The following NRG3 variants were observed in gnomAD, a reference collection of about 807,000 sequenced individuals.
NRG3 encodes pro-neuregulin-3, membrane-bound isoform.
A neutral mutation model predicts 66.9 loss-of-function variants in NRG3; 31 were observed. That is an observed-to-expected ratio of 0.46 (90% CI 0.35 to 0.63). The LOEUF (loss-of-function observed/expected upper bound fraction) is 0.63, where lower values mean the gene tolerates loss of function less well. NRG3 is among the 20% of genes least tolerant of loss of function. The pLI, the probability that NRG3 is intolerant of heterozygous loss-of-function variation, is 0.00. For synonymous variants in NRG3, 393 were observed against 359.4 expected, an observed-to-expected ratio of 1.09 and a Z score of -1.06; for missense variants, 910 against 878.9, an observed-to-expected ratio of 1.04 and a Z score of -0.45.
In NRG3 at chr10:82,985,547, G is replaced by A. The variant is rs763500458; in HGVS notation, c.2033G>A (p.Arg678Gln). 23 of 1,613,792 alleles carry A rather than the reference G, an allele frequency of 1.4e-5. No homozygotes were observed. In the East Asian group the frequency reaches 1.8e-4, roughly 13 times the overall value. Residue 678 changes from arginine (R) to glutamine (Q), a missense_variant, in exon 9 of 9, where the codon CGA becomes CAA. By Grantham distance (43) the Arg-to-Gln change is conservative (BLOSUM62 1). Coordinates refer to ENST00000372141, the MANE Select transcript of NRG3 (RefSeq NM_001010848.4). ...LPLSPTAKSE[R>Q]EAQFVLRNEI... ...CTGAGTCCCACAGCCAAATCAGAAC[G>A]AGAGGCGCAATTTGTCTTAAGAAAT...
At chr10:81,902,513 G>A (rs1268986443) in intron 1 of NRG3, among the ~76,000 whole-genome samples, 1 of 152,130 alleles carries the variant, frequency 6.6e-6, no homozygotes, top group Non-Finnish European at 1.5e-5. Context: ...CTGCTCTTGG[G>A]CATTTGAGGA....
chr10:82,524,070 A>G (rs932048908), intron 2 of NRG3, among the ~76,000 whole-genome samples: 1 of 152,052 alleles, frequency 6.6e-6, no homozygotes, highest in African/African-American at 2.4e-5. Context: ...ACCCTGGAAC[A>G]TCTCCTTGTA....
At chr10:81,975,558 C>CTAT (rs1466219105) in intron 1 of NRG3, among the ~76,000 whole-genome samples, 40 of 151,934 alleles carry the variant, frequency 2.6e-4, no homozygotes, top group African/African-American at 8.0e-4. Flanking sequence ...GAAAGGCAGG[C>CTAT]CACAAATTAA....
At chr10:82,418,511 A>G (rs923070468) in intron 2 of NRG3, among the ~76,000 whole-genome samples, 4 of 151,910 alleles carry the variant, frequency 2.6e-5, no homozygotes, top group Non-Finnish European at 5.9e-5. Context: ...TTCACTGGGA[A>G]CATTTGAACT....
At chr10:82,655,188 T>C (rs1395268535) in intron 2 of NRG3, among the ~76,000 whole-genome samples, 1 of 152,078 alleles carries the variant, frequency 6.6e-6, no homozygotes, top group Non-Finnish European at 1.5e-5. Flanking sequence ...CAAAATAAAA[T>C]GATTTGTATA....
chr10:82,306,703 TAAAAAAAAAAAAAAA>T (rs71009805), intron 1 of NRG3, among the ~76,000 whole-genome samples: 8 of 35,880 alleles, frequency 2.2e-4, no homozygotes, highest in East Asian at 1.0e-3. Context: ...GACTCCGTCT[TAAAAAAAAAAAAAAA>T]AAAAAAAAAA....
intron 2 of NRG3, among the ~76,000 whole-genome samples, chr10:82,671,639 A>G (rs1425338272): frequency 6.6e-6 from 1 of 152,210 alleles, no homozygotes; most frequent in Non-Finnish European, 1.5e-5. Context: ...ATGTGGCTCA[A>G]CTTCTCTCCT....
intron 1 of NRG3, among the ~76,000 whole-genome samples, chr10:82,000,842 C>G (rs1309493864): frequency 6.6e-6 from 1 of 152,140 alleles, no homozygotes; most frequent in African/African-American, 2.4e-5. Flanking sequence ...TGCAAAATTA[C>G]TCCATTTGAT....
chr10:82,704,833 A>G (rs1274925974), intron 2 of NRG3, among the ~76,000 whole-genome samples: 1 of 152,196 alleles, frequency 6.6e-6, no homozygotes, highest in African/African-American at 2.4e-5. Flanking sequence ...TAAAATTTTC[A>G]TGTTTGAGAA....
intron 1 of NRG3, among the ~76,000 whole-genome samples, chr10:82,074,796 C>T (rs868553009): frequency 6.6e-6 from 1 of 152,222 alleles, no homozygotes; most frequent in Middle Eastern, 3.2e-3. Context: ...GCAATCCTGT[C>T]ATTGTACTTC....
At chr10:82,534,271 T>C (rs576340534) in intron 2 of NRG3, among the ~76,000 whole-genome samples, 2 of 152,078 alleles carry the variant, frequency 1.3e-5, no homozygotes, top group South Asian at 4.1e-4. Flanking sequence ...CATTTTGTTT[T>C]TTTTTTTTGA....
intron 1 of NRG3, among the ~76,000 whole-genome samples, chr10:82,300,219 T>C (rs1022968540): frequency 3.4e-5 from 5 of 145,248 alleles, no homozygotes; most frequent in African/African-American, 1.4e-4. Flanking sequence ...GAAATTGATA[T>C]GCTGTCCTGA....
chr10:82,655,091 ACT>A (rs2051732673), intron 2 of NRG3, among the ~76,000 whole-genome samples: 1 of 151,962 alleles, frequency 6.6e-6, no homozygotes, highest in Non-Finnish European at 1.5e-5. Flanking sequence ...AAAATGATAT[ACT>A]GTCTTATTTC....
chr10:82,814,792 T>G (rs998273857), intron 3 of NRG3, among the ~76,000 whole-genome samples: 5 of 152,250 alleles, frequency 3.3e-5, no homozygotes, highest in African/African-American at 1.2e-4. Context: ...GCACTAAGCC[T>G]GTATGAGTCA....
intron 8 of NRG3, among the ~76,000 whole-genome samples, chr10:82,982,439 G>A (rs1042626232): frequency 6.6e-6 from 1 of 152,164 alleles, no homozygotes; most frequent in Admixed American, 6.5e-5. Flanking sequence ...ACTTGTGGAA[G>A]CATCATTGGC....
At chr10:82,319,424 G>A (rs139284642) in intron 1 of NRG3, among the ~76,000 whole-genome samples, 10 of 152,284 alleles carry the variant, frequency 6.6e-5, no homozygotes, top group East Asian at 3.9e-4. Flanking sequence ...CCTAAATTCC[G>A]CCGAAAGGCA....
intron 1 of NRG3, among the ~76,000 whole-genome samples, chr10:82,113,090 T>C (rs2132265251): frequency 6.6e-6 from 1 of 152,306 alleles, no homozygotes; most frequent in South Asian, 2.1e-4. Context: ...TTGGAGGAAC[T>C]TGGGATAATA....
chr10:82,815,202 T>A (rs2061656449), intron 3 of NRG3, among the ~76,000 whole-genome samples: 2 of 152,242 alleles, frequency 1.3e-5, no homozygotes, highest in Non-Finnish European at 2.9e-5. Context: ...TTGTGCCTTC[T>A]CCAGAGTTTC....
intron 2 of NRG3, among the ~76,000 whole-genome samples, chr10:82,691,532 C>A (rs2054926503): frequency 1.3e-5 from 2 of 152,102 alleles, no homozygotes; most frequent in Non-Finnish European, 2.9e-5. Flanking sequence ...AATTATGAGG[C>A]CAAGTCTCAT....
Sources: gnomAD v4.1 joint callset for allele counts (sites outside exome capture counted in the v4.1 genomes callset) on GRCh38, gnomAD v4.1.1 for gene constraint, MANE v1.5 for transcripts, NCBI Gene and HGNC (gene_info 2026-07-23, HGNC 2026-07-21) for gene names.